Variants in RAB30 observed in about 807,000 individuals in gnomAD.
The protein encoded by RAB30 is ras-related protein Rab-30.
In RAB30, 9 loss-of-function variants were observed where a neutral mutation model predicts 25.1. The ratio of observed to expected loss-of-function variants is 0.36; its 90% CI spans 0.22 to 0.63. The LOEUF (loss-of-function observed/expected upper bound fraction) is 0.63, where lower values mean the gene tolerates loss of function less well. Among genes scored for constraint, RAB30 ranks in the 20% least tolerant of loss-of-function variants. The probability of loss-of-function intolerance (pLI) is 0.69; values close to 1 mark genes in which losing one functional copy is unlikely to be tolerated. For synonymous variants in RAB30, 77 were observed against 86.4 expected (o/e 0.89, Z 0.60); for missense variants, 140 against 243.5 (o/e 0.58, Z 2.83).
intron 1 of RAB30, among the ~76,000 whole-genome samples, chr11:83,042,014 A>G: frequency 6.9e-6 from 1 of 145,792 alleles, no homozygotes; most frequent in Non-Finnish European, 1.5e-5. Flanking sequence ...TGGGCAACAG[A>G]GTGAGACTCT....
At chr11:83,030,442 G>A (rs1857828988) in intron 1 of RAB30, among the ~76,000 whole-genome samples, 1 of 151,978 alleles carries the variant, frequency 6.6e-6, no homozygotes, top group Non-Finnish European at 1.5e-5. Flanking sequence ...AGGCTATGTT[G>A]AGCCGTGTTC....
At chr11:83,041,844 C>A (rs1858124164) in intron 1 of RAB30, among the ~76,000 whole-genome samples, 1 of 151,778 alleles carries the variant, frequency 6.6e-6, no homozygotes, top group South Asian at 2.1e-4. Flanking sequence ...AAGTGTGAGA[C>A]CAGCCTGGCC....
chr11:83,025,102 C>A (rs1285757275), intron 1 of RAB30, among the ~76,000 whole-genome samples: 1 of 152,172 alleles, frequency 6.6e-6, no homozygotes, highest in Non-Finnish European at 1.5e-5. Context: ...TTAAATGTTA[C>A]CCTTTCAAAG....
Position 83,050,185 on chromosome 11 carries a change from G to A in RAB30, c.-9+21506C>T, listed in dbSNP as rs955234945. ...GGCTGAGGACTACTTGAGCCTGGGAGGTTGAGGCTGCCCTGAGACATGATT... is the reference window on the plus strand; with the variant it reads ...GGCTGAGGACTACTTGAGCCTGGGAAGTTGAGGCTGCCCTGAGACATGATT... On this transcript the variant is annotated intron_variant, in intron 1 of 4. Coordinates refer to ENST00000527633, the MANE Select transcript of RAB30 (RefSeq NM_001286060.2). 2.6e-5 allele frequency among the ~76,000 whole-genome samples: 4 copies of A among 151,970 alleles called. No homozygotes were observed. In the East Asian group the frequency reaches 7.7e-4, roughly 29 times the overall value.
intron 3 of RAB30, among the ~76,000 whole-genome samples, chr11:82,988,101 A>T (rs1856776948): frequency 6.6e-6 from 1 of 152,094 alleles, no homozygotes; most frequent in Non-Finnish European, 1.5e-5. Flanking sequence ...GCTCTATTCT[A>T]AGCATTTTAC....
chr11:83,041,974 G>A (rs1362517928), intron 1 of RAB30, among the ~76,000 whole-genome samples: 1 of 151,120 alleles, frequency 6.6e-6, no homozygotes, highest in Admixed American at 6.6e-5. Context: ...CCCGGGAGGT[G>A]GAGGTTGCAG....
chr11:83,046,620 A>G (rs1406968840), intron 1 of RAB30, among the ~76,000 whole-genome samples: 1 of 152,018 alleles, frequency 6.6e-6, no homozygotes, highest in Non-Finnish European at 1.5e-5. Flanking sequence ...TAGTCTCCTG[A>G]GTAGCTACAA....
intron 3 of RAB30, among the ~76,000 whole-genome samples, chr11:82,992,050 C>T (rs1398897970): frequency 6.6e-6 from 1 of 152,110 alleles, no homozygotes; most frequent in African/African-American, 2.4e-5. Context: ...GGCACTAAAT[C>T]AAATAAATGA....
intron 1 of RAB30, 175 bp from the exon 2 acceptor site, chr11:82,997,499 C>T (rs545112616): frequency 5.0e-5 from 29 of 576,762 alleles, no homozygotes; most frequent in South Asian, 1.3e-4. Flanking sequence ...TGGTCACAGA[C>T]GGACTTTATT....
chr11:83,003,201 G>A (rs1163834819), intron 1 of RAB30, among the ~76,000 whole-genome samples: 1 of 152,144 alleles, frequency 6.6e-6, no homozygotes, highest in East Asian at 1.9e-4. Context: ...CTATACCAGT[G>A]AGTTACGTGA....
intron 3 of RAB30, chr11:82,992,420 T>TGA (rs1248932371): frequency 2.2e-6 from 1 of 455,858 alleles, no homozygotes; most frequent in South Asian, 1.6e-5. Flanking sequence ...GAAGAGACAC[T>TGA]GAGAGAGCTT....
rs191937116 is a variant in RAB30 at position 83,010,570 on chromosome 11, T to C, written c.-8-13246A>G. 1.5e-3 allele frequency among the ~76,000 whole-genome samples: 230 copies of C among 152,332 alleles called. 1 individual carries two copies. Among genetic ancestry groups the C allele is most frequent in the African/African-American group, 4.8e-3 (198 of 41,568 alleles). ...TATTTATATCTTTTCCAATGCACAT[T>C]ATTAAAATATCTTAGGGGCTCAATA... On this transcript the variant is annotated intron_variant, in intron 1 of 4. Transcript: ENST00000527633.
chr11:83,055,038 C>T (rs1206077332), intron 1 of RAB30, among the ~76,000 whole-genome samples: 2 of 152,202 alleles, frequency 1.3e-5, no homozygotes, highest in African/African-American at 4.8e-5. Context: ...TTAGTGGACA[C>T]AGCATGGGCT....
At position 83,002,234 on chromosome 11, in the gene RAB30, C is replaced by T. The variant is rs75724019; in HGVS notation, c.-8-4910G>A. On this transcript the variant is annotated intron_variant, in intron 1 of 4. Transcript: ENST00000527633. The stretch of plus-strand genomic sequence containing the variant: ...ACAGTGTTCTAGAATCTCCCTGCTC[C>T]GGAAGCAACACACCCACACTGATGG... Among the ~76,000 whole-genome samples, 8 of 152,266 alleles carry T rather than the reference C, an allele frequency of 5.3e-5. No individual in the cohort carries two copies. The East Asian group carries it at 1.4e-3, about 26-fold the overall frequency.
intron 1 of RAB30, among the ~76,000 whole-genome samples, chr11:83,052,789 T>C (rs1346501447): frequency 6.6e-6 from 1 of 152,150 alleles, no homozygotes; most frequent in Admixed American, 6.5e-5. Flanking sequence ...TTTTCCTTTG[T>C]TGGGGAGGGA....
At position 82,975,722 on chromosome 11, in the gene RAB30, A is replaced by T. The variant is rs1856534867; in HGVS notation, c.*6443T>A. The T allele has an allele frequency of 6.6e-6, 1 of 151,846 alleles. No homozygotes were observed. The highest frequency in any genetic ancestry group is 2.1e-4 in the South Asian group (1 of 4,814). 9.4% of individuals were successfully genotyped at this position (151,846 alleles called of 1,614,324 possible). A position where few individuals can be genotyped will look rare whatever the true frequency, so the allele number is the denominator to read the frequency against. On this transcript the variant is annotated 3_prime_UTR_variant, in exon 5 of 5. Coordinates refer to ENST00000527633, the MANE Select transcript of RAB30 (RefSeq NM_001286060.2). ...AGTATGTATATATAACTGAAGAGTT[A>T]ATCAACAGTAAGACCGTGATCTACA...
chr11:82,994,933 C>T (rs1661384313), intron 2 of RAB30, among the ~76,000 whole-genome samples: 1 of 152,158 alleles, frequency 6.6e-6, no homozygotes, highest in Non-Finnish European at 1.5e-5. Context: ...GAGTTTGAGG[C>T]TGATGTAAGC....
At chr11:83,032,900 G>A (rs1857902387) in intron 1 of RAB30, among the ~76,000 whole-genome samples, 1 of 151,874 alleles carries the variant, frequency 6.6e-6, no homozygotes, top group African/African-American at 2.4e-5. Flanking sequence ...TATCTATCAA[G>A]AATGATAGGA....
intron 1 of RAB30, among the ~76,000 whole-genome samples, chr11:83,065,735 T>C (rs1476252999): frequency 6.6e-6 from 1 of 152,172 alleles, no homozygotes; most frequent in Non-Finnish European, 1.5e-5. Flanking sequence ...GGATAAATAA[T>C]GTTAAAAACA....
Sources: gnomAD v4.1 joint callset for allele counts (sites outside exome capture counted in the v4.1 genomes callset) on GRCh38, gnomAD v4.1.1 for gene constraint, MANE v1.5 for transcripts, NCBI Gene and HGNC (gene_info 2026-07-23, HGNC 2026-07-21) for gene names.